Variants in DNMBP observed in about 807,000 individuals in gnomAD.
DNMBP encodes dynamin binding protein, also known as dynamin-binding protein.
DNMBP carries 87 observed loss-of-function variants against 150.0 expected under a neutral mutation model. The ratio of observed to expected loss-of-function variants is 0.58; its 90% CI spans 0.49 to 0.69. The LOEUF is 0.69. Ranked by LOEUF, DNMBP falls within the 30% of genes least tolerant of loss-of-function variation. The pLI, the probability that DNMBP is intolerant of heterozygous loss-of-function variation, is 0.00. For missense variants in DNMBP, 1,774 were observed against 1,949.0 expected, an observed-to-expected ratio of 0.91 and a Z score of 1.69; for synonymous variants, 711 against 750.4, an observed-to-expected ratio of 0.95 and a Z score of 0.86.
At chr10:99,901,148 C>A (rs1056121390) in intron 6 of DNMBP, among the ~76,000 whole-genome samples, 8 of 152,182 alleles carry the variant, frequency 5.3e-5, no homozygotes, top group African/African-American at 1.7e-4. Context: ...GTTGGCCAGG[C>A]TGGTCTCAAA....
At chr10:99,927,077 G>GA (rs1434493172) in intron 4 of DNMBP, 2 of 152,414 alleles carry the variant, frequency 1.3e-5, no homozygotes, top group African/African-American at 4.8e-5. Context: ...AAGCCTGGGG[G>GA]AAAACTTGGC....
At chr10:99,917,947 C>A (rs1379520574) in intron 4 of DNMBP, among the ~76,000 whole-genome samples, 1 of 130,708 alleles carries the variant, frequency 7.7e-6, no homozygotes, top group Non-Finnish European at 1.5e-5. Flanking sequence ...CCAGCCTGAG[C>A]GATGGAGTAA....
chr10:99,901,850 C>T (rs1392807319), intron 6 of DNMBP, among the ~76,000 whole-genome samples: 1 of 152,178 alleles, frequency 6.6e-6, no homozygotes, highest in Non-Finnish European at 1.5e-5. Context: ...TGTGGACTCA[C>T]CTCTGTTCTC....
intron 3 of DNMBP, among the ~76,000 whole-genome samples, chr10:99,964,374 A>AG (rs1402935544): frequency 6.6e-6 from 1 of 151,502 alleles, no homozygotes; most frequent in African/African-American, 2.4e-5. Flanking sequence ...CACCCGCCTC[A>AG]GCCTCCCAAA....
chr10:99,956,637 G>A lies in DNMBP; in HGVS notation c.837C>T (p.Gly279=). 1 of 1,613,982 alleles carries A rather than the reference G, an allele frequency of 6.2e-7. No homozygotes were observed. Among genetic ancestry groups the A allele is most frequent in the South Asian group, 1.1e-5 (1 of 91,082 alleles). ...TGCCCTTCAGGGATCCTTCCAGCCAGCCATCTTCCAAGGTCGCCAGAATTC... is the reference window on the plus strand; with the variant it reads ...TGCCCTTCAGGGATCCTTCCAGCCAACCATCTTCCAAGGTCGCCAGAATTC... ...KIRILATLED[G]WLEGSLKGRT... is the part of the protein sequence containing the mutation. Residue 279 remains glycine, a synonymous_variant, in exon 4 of 17, where the codon GGC becomes GGT. Coordinates refer to ENST00000324109, the MANE Select transcript of DNMBP (RefSeq NM_015221.4).
intron 8 of DNMBP, 49 bp from the exon 9 acceptor site, chr10:99,898,334 C>A (rs1175692783): frequency 6.7e-7 from 1 of 1,500,428 alleles, no homozygotes; most frequent in African/African-American, 1.4e-5. Flanking sequence ...TAATATAGCG[C>A]CCAGCCTGGG....
At chr10:99,894,820 T>A (rs757486638) in intron 11 of DNMBP, 126 bp downstream of exon 11, 19 of 666,250 alleles carry the variant, frequency 2.9e-5, no homozygotes, top group Non-Finnish European at 4.6e-5. Flanking sequence ...ACAAAAAGTA[T>A]GATGGGGCAT....
intron 4 of DNMBP, among the ~76,000 whole-genome samples, chr10:99,921,109 C>T (rs577015424): frequency 5.9e-5 from 9 of 152,340 alleles, no homozygotes; most frequent in Non-Finnish European, 1.2e-4. Flanking sequence ...GTCATTTCCT[C>T]TCAGCGAGCC....
chr10:99,992,045 T>C (rs1308910570), intron 1 of DNMBP, among the ~76,000 whole-genome samples: 1 of 151,984 alleles, frequency 6.6e-6, no homozygotes, highest in African/African-American at 2.4e-5. Flanking sequence ...AAGACCAGCC[T>C]GGGCAACATA....
In DNMBP at chr10:99,934,333, GGA is replaced by G. The variant is rs1343938882; in HGVS notation, c.2260+20879_2260+20880del. ...AGAGAAGCAAGCCTAGGTTTCAGAT[GGA>G]GAGACAGTGTAACTGGAGTAAGGCT... On this transcript the variant is annotated intron_variant, in intron 4 of 16. Transcript: ENST00000324109. Among the ~76,000 whole-genome samples, 4 of 150,808 alleles carry G rather than the reference GGA, an allele frequency of 2.7e-5. No individual in the cohort carries two copies. The East Asian group carries it at 7.8e-4, about 29-fold the overall frequency.
At chr10:99,967,474 C>T (rs1406511583) in intron 3 of DNMBP, among the ~76,000 whole-genome samples, 2 of 151,930 alleles carry the variant, frequency 1.3e-5, no homozygotes, top group East Asian at 1.9e-4. Flanking sequence ...TGCAGTGAGC[C>T]GAGATCATGC....
chr10:100,005,764 C>CAAAAAAAA (rs760685767), intron 1 of DNMBP, among the ~76,000 whole-genome samples: 2 of 37,996 alleles, frequency 5.3e-5, no homozygotes, highest in African/African-American at 1.0e-4. Flanking sequence ...CAAAAGTCTC[C>CAAAAAAAA]AAAAAAAAAA....
intron 4 of DNMBP, among the ~76,000 whole-genome samples, chr10:99,920,917 G>A (rs144539549): frequency 5.3e-4 from 81 of 151,960 alleles, no homozygotes; most frequent in Middle Eastern, 3.4e-3. Context: ...TGAGCTCAAG[G>A]AATCTTCCTG....
intron 1 of DNMBP, among the ~76,000 whole-genome samples, chr10:100,006,690 A>G (rs1211427320): frequency 2.7e-5 from 4 of 149,546 alleles, no homozygotes; most frequent in Non-Finnish European, 5.9e-5. Context: ...CCTCCCCCCA[A>G]CCCACATCCA....
chr10:99,880,286 C>T lies in DNMBP; in HGVS notation c.4073G>A (p.Gly1358Asp). Residue 1358 changes from glycine (G) to aspartate (D), a missense_variant, in exon 16 of 17, where the codon GGT becomes GAT. Gly to Asp is a moderately conservative substitution (Grantham distance 94). Around this residue, in one of 2 missense-constraint regions of DNMBP, gnomAD observed 1,430 missense variants for 1,492.5 expected, o/e 0.96. Transcript: ENST00000324109. Reference sequence around the variant, plus strand: ...CTCAGACTCTGTGGAGGAGTGGCTACCCACGGAGGCATCGGAGTGGCTGCG... The same window carrying T: ...CTCAGACTCTGTGGAGGAGTGGCTATCCACGGAGGCATCGGAGTGGCTGCG... ...PRRSHSDASV[G>D]SHSSTESEHG... The T allele has an allele frequency of 6.2e-7, 1 of 1,613,592 alleles. No individual in the cohort carries two copies. Among genetic ancestry groups the T allele is most frequent in the Non-Finnish European group, 8.5e-7 (1 of 1,179,828 alleles).
At chr10:99,903,468 A>G (rs2039776957) in intron 6 of DNMBP, among the ~76,000 whole-genome samples, 1 of 151,958 alleles carries the variant, frequency 6.6e-6, no homozygotes, top group South Asian at 2.1e-4. Flanking sequence ...AAATAGCTGG[A>G]ACTACAAGTG....
chr10:99,894,830 T>G (rs1447502763), intron 11 of DNMBP, 116 bp downstream of exon 11: 66 of 721,644 alleles, frequency 9.1e-5, no homozygotes, highest in Non-Finnish European at 7.0e-6. Context: ...TGATGGGGCA[T>G]AATAGTAATT....
intron 4 of DNMBP, among the ~76,000 whole-genome samples, chr10:99,920,091 T>C (rs569190424): frequency 1.3e-5 from 2 of 152,238 alleles, no homozygotes; most frequent in African/African-American, 4.8e-5. Flanking sequence ...TTTTTTTTTT[T>C]TGAGACAGAG....
At chr10:99,983,889 C>CA (rs2040803513) in intron 1 of DNMBP, among the ~76,000 whole-genome samples, 1 of 152,234 alleles carries the variant, frequency 6.6e-6, no homozygotes, top group South Asian at 2.1e-4. Context: ...GGATACATGT[C>CA]AGAGTTTCCA....
Sources: allele counts gnomAD v4.1 joint callset (sites outside exome capture counted in the v4.1 genomes callset), GRCh38; gene constraint gnomAD v4.1.1; regional missense constraint gnomAD v4.1.1; transcripts MANE v1.5; gene names NCBI Gene and HGNC (gene_info 2026-07-23, HGNC 2026-07-21).